ATG7: variants seen among roughly 807,000 people sequenced by gnomAD.
ATG7 encodes autophagy related 7.
A neutral mutation model predicts 82.4 loss-of-function variants in ATG7; 70 were observed. The ratio of observed to expected loss-of-function variants is 0.85; its 90% CI spans 0.70 to 1.04. The LOEUF (loss-of-function observed/expected upper bound fraction) is 1.04, where lower values mean the gene tolerates loss of function less well. Ranked by LOEUF, ATG7 falls within the 50% of genes least tolerant of loss-of-function variation. The pLI is 0.00. For missense variants in ATG7, 792 were observed against 864.3 expected, an observed-to-expected ratio of 0.92 and a Z score of 1.05; for synonymous variants, 287 against 313.0, an observed-to-expected ratio of 0.92 and a Z score of 0.88.
chr3:11,553,360 G>A (rs1450689373), intron 20 of ATG7, among the ~76,000 whole-genome samples: 1 of 152,088 alleles, frequency 6.6e-6, no homozygotes, highest in African/African-American at 2.4e-5. Context: ...GTGTGGCACA[G>A]AGCTGGCTAC....
intron 20 of ATG7, among the ~76,000 whole-genome samples, chr3:11,490,633 T>C (rs1347540832): frequency 2.6e-5 from 4 of 152,298 alleles, no homozygotes; most frequent in South Asian, 2.1e-4. Context: ...CCATGTTTAG[T>C]GGTTCCTTCA....
At chr3:11,398,238 T>C (rs1425313448) in intron 19 of ATG7, among the ~76,000 whole-genome samples, 3 of 152,256 alleles carry the variant, frequency 2.0e-5, no homozygotes, top group East Asian at 3.9e-4. Context: ...AACTGAAATA[T>C]AGAATACTGC....
intron 11 of ATG7, among the ~76,000 whole-genome samples, chr3:11,334,290 G>A (rs1952064597): frequency 6.6e-6 from 1 of 151,784 alleles, no homozygotes; most frequent in Non-Finnish European, 1.5e-5. Flanking sequence ...TGTCACCCAG[G>A]CTGGAGTGCA....
chr3:11,366,434 A>G (rs969290103), intron 18 of ATG7, among the ~76,000 whole-genome samples: 3 of 152,032 alleles, frequency 2.0e-5, no homozygotes, highest in Admixed American at 6.6e-5. Flanking sequence ...TCTTTTCTAC[A>G]GAGACATTTC....
At chr3:11,352,762 A>G (rs1471888813) in intron 14 of ATG7, among the ~76,000 whole-genome samples, 3 of 152,238 alleles carry the variant, frequency 2.0e-5, no homozygotes, top group Admixed American at 1.3e-4. Context: ...AATATAGAAG[A>G]GCAGGACCTG....
At chr3:11,559,291 C>G, downstream of ATG7, 1 of 1,495,474 alleles carries the variant, frequency 6.7e-7, no homozygotes, top group Non-Finnish European at 8.9e-7. Context: ...TCTGCTGCCA[C>G]TAGCACAGCT....
At chr3:11,503,057 T>G (rs1016679748) in intron 20 of ATG7, among the ~76,000 whole-genome samples, 1 of 152,258 alleles carries the variant, frequency 6.6e-6, no homozygotes, top group African/African-American at 2.4e-5. Flanking sequence ...CTCCCCACAC[T>G]AGGATCCAAC....
At chr3:11,539,801 G>T (rs567555780) in intron 20 of ATG7, among the ~76,000 whole-genome samples, 5 of 152,258 alleles carry the variant, frequency 3.3e-5, no homozygotes, top group Non-Finnish European at 7.3e-5. Flanking sequence ...GTACTCGCTT[G>T]TGGAACCAGC....
downstream of ATG7, among the ~76,000 whole-genome samples, chr3:11,560,672 C>T (rs999589807): frequency 2.0e-5 from 3 of 152,112 alleles, no homozygotes; most frequent in African/African-American, 4.8e-5. Flanking sequence ...TAACAAGAAG[C>T]GACACATGCC....
At chr3:11,303,371 A>G (rs1245020671) in intron 5 of ATG7, among the ~76,000 whole-genome samples, 1 of 151,766 alleles carries the variant, frequency 6.6e-6, no homozygotes, top group Non-Finnish European at 1.5e-5. Context: ...TGAAGCTGAG[A>G]AAAAAAAAGA....
chr3:11,538,712 C>CAA (rs34720305), intron 20 of ATG7, among the ~76,000 whole-genome samples: 2,090 of 83,964 alleles, frequency 0.025, 165 homozygotes, highest in African/African-American at 0.067. Flanking sequence ...AAAAATTAGC[C>CAA]AAAAAAAAAA....
intron 9 of ATG7, among the ~76,000 whole-genome samples, chr3:11,322,001 G>A (rs186502499): frequency 2.9e-4 from 44 of 152,246 alleles, no homozygotes; most frequent in African/African-American, 9.9e-4. Context: ...TGCCAGTTCA[G>A]CAGCCCCCGG....
At chr3:11,549,177 TG>T (rs2071553328) in intron 20 of ATG7, among the ~76,000 whole-genome samples, 1 of 152,222 alleles carries the variant, frequency 6.6e-6, no homozygotes, top group African/African-American at 2.4e-5. Flanking sequence ...TCACCACAGA[TG>T]GGTTTTTGCC....
intron 20 of ATG7, among the ~76,000 whole-genome samples, chr3:11,517,532 G>C (rs1430634886): frequency 1.3e-5 from 2 of 152,120 alleles, no homozygotes; most frequent in African/African-American, 2.4e-5. Flanking sequence ...CAGGCACACA[G>C]AGGCCTGCTG....
At chr3:11,570,834 C>G in the ATG7 span, among the ~76,000 whole-genome samples, 1 of 152,206 alleles carries the variant, frequency 6.6e-6, no homozygotes, top group Non-Finnish European at 1.5e-5. Context: ...ATCCAAAGCA[C>G]CCCACAACAC....
chr3:11,544,517 G>C (rs974727881), intron 20 of ATG7, among the ~76,000 whole-genome samples: 3 of 152,208 alleles, frequency 2.0e-5, no homozygotes, highest in Non-Finnish European at 4.4e-5. Flanking sequence ...AGTGAGGCCA[G>C]GAAGGGGAAT....
In ATG7 at chr3:11,369,849, T is replaced by G. The variant is rs972178447; in HGVS notation, c.1875+5115T>G. On this transcript the variant is annotated intron_variant, in intron 18 of 20. Coordinates refer to ENST00000693202, the MANE Select transcript of ATG7 (RefSeq NM_001349232.2). ...GGATGAGGCTGTCCTGTTTAGGAGG[T>G]GCGTGTTTAGGAAGGCAGCCTGAAG... 5.3e-5 allele frequency among the ~76,000 whole-genome samples: 8 copies of G among 150,968 alleles called. 1 individual carries two copies. The highest frequency in any genetic ancestry group is 2.0e-4 in the African/African-American group (8 of 40,892).
At chr3:11,521,627 A>G (rs2092445419) in intron 20 of ATG7, among the ~76,000 whole-genome samples, 1 of 151,036 alleles carries the variant, frequency 6.6e-6, no homozygotes, top group Non-Finnish European at 1.5e-5. Flanking sequence ...ATATTGGCTC[A>G]CTGCAAGTTC....
intron 20 of ATG7, among the ~76,000 whole-genome samples, chr3:11,532,614 T>A (rs2092714020): frequency 6.6e-6 from 1 of 152,064 alleles, no homozygotes; most frequent in African/African-American, 2.4e-5. Context: ...TTTCAGCTAC[T>A]CAAGAGGCTG....
Sources: gnomAD v4.1 joint callset for allele counts (sites outside exome capture counted in the v4.1 genomes callset) on GRCh38, gnomAD v4.1.1 for gene constraint, MANE v1.5 for transcripts, NCBI Gene and HGNC (gene_info 2026-07-23, HGNC 2026-07-21) for gene names.